The following HERC2 variants were observed in gnomAD, a reference collection of about 807,000 sequenced individuals.
HERC2 encodes E3 ubiquitin-protein ligase HERC2.
Under a neutral mutation model 537.7 loss-of-function variants are expected in HERC2, and 102 were observed. The observed-to-expected ratio is 0.19, with a 90% confidence interval of 0.16 to 0.22. The LOEUF is 0.22. Ranked by LOEUF, HERC2 falls within the 10% of genes least tolerant of loss-of-function variation. The pLI is 1.00. For synonymous variants in HERC2, 2,224 were observed against 2,466.2 expected (o/e 0.90, Z 2.91); for missense variants, 4,236 against 6,198.2 (o/e 0.68, Z 10.63).
chr15:28,188,227 A>G, intron 55 of HERC2, among the ~76,000 whole-genome samples: 1 of 152,176 alleles, frequency 6.6e-6, no homozygotes, highest in East Asian at 1.9e-4. Context: ...CTGGACACTG[A>G]CTGAATATTA....
chr15:28,163,348 C>T (rs767795701), intron 68 of HERC2, 63 bp from the exon 69 acceptor site: 1 of 1,454,760 alleles, frequency 6.9e-7, no homozygotes, highest in Non-Finnish European at 9.4e-7. Context: ...AAAGAGTCAC[C>T]AGTTTACCCA....
intron 2 of HERC2, among the ~76,000 whole-genome samples, chr15:28,303,677 A>G (rs541651604): frequency 1.6e-3 from 245 of 152,342 alleles, no homozygotes; most frequent in Non-Finnish European, 2.9e-3. Flanking sequence ...CTTCCAATCC[A>G]TGAACACGGA....
intron 67 of HERC2, among the ~76,000 whole-genome samples, chr15:28,168,127 C>A (rs1894333481): frequency 6.6e-6 from 1 of 152,160 alleles, no homozygotes; most frequent in South Asian, 2.1e-4. Flanking sequence ...TTCTTTCCCC[C>A]AAAATGTTAC....
intron 35 of HERC2, among the ~76,000 whole-genome samples, chr15:28,225,716 GAA>G (rs1901073750): frequency 7.4e-6 from 1 of 134,716 alleles, no homozygotes; most frequent in African/African-American, 2.9e-5. Context: ...AAAAAAAAAA[GAA>G]AGAAAAAAAA....
At position 28,260,831 on chromosome 15, in the gene HERC2, T is replaced by C. The variant is rs1369466540; in HGVS notation, c.2262A>G (p.Ala754=). 3 of 1,614,140 alleles carry C rather than the reference T, an allele frequency of 1.9e-6. No individual in the cohort carries two copies. Among genetic ancestry groups the C allele is most frequent in the African/African-American group, 1.3e-5 (1 of 74,956 alleles). ...TLRVTKPEPA[A]LPGLDTKHIV... ...TGTGTTTGGTGTCCAGTCCTGGCAATGCTGCAGGTTCTGGCTTGGTCACGC... is the reference window on the plus strand; with the variant it reads ...TGTGTTTGGTGTCCAGTCCTGGCAACGCTGCAGGTTCTGGCTTGGTCACGC... The change falls in exon 16 of 93, where the codon GCA becomes GCG. Residue 754 remains alanine (A), a synonymous_variant. Coordinates refer to ENST00000261609, the MANE Select transcript of HERC2 (RefSeq NM_004667.6).
At chr15:28,288,535 C>CAAAAA (rs1216166029) in intron 4 of HERC2, among the ~76,000 whole-genome samples, 2 of 82,432 alleles carry the variant, frequency 2.4e-5, no homozygotes, top group African/African-American at 9.6e-5. Flanking sequence ...AACTCCGACT[C>CAAAAA]AAAAAAAAAA....
chr15:28,187,050 C>T (rs1896375538), intron 55 of HERC2, among the ~76,000 whole-genome samples: 2 of 152,250 alleles, frequency 1.3e-5, no homozygotes, highest in South Asian at 2.1e-4. Flanking sequence ...CAAACTCTTC[C>T]GTCTTAGAGC....
At chr15:28,249,063 A>G (rs535106120) in intron 20 of HERC2, among the ~76,000 whole-genome samples, 2 of 152,382 alleles carry the variant, frequency 1.3e-5, no homozygotes, top group South Asian at 4.1e-4. Context: ...TGTTTAAGGA[A>G]TGTAAACATT....
intron 2 of HERC2, among the ~76,000 whole-genome samples, chr15:28,300,405 AAAAAT>A (rs1487309992): frequency 2.0e-5 from 3 of 150,048 alleles, no homozygotes; most frequent in East Asian, 1.9e-4. Flanking sequence ...TACTATAATG[AAAAAT>A]AAAATATTTA....
chr15:28,192,211 A>C, intron 52 of HERC2, 60 bp from the exon 53 acceptor site: 8 of 1,394,540 alleles, frequency 5.7e-6, no homozygotes, highest in Non-Finnish European at 8.0e-6. Flanking sequence ...AAACATCATG[A>C]TCAAGAATAT....
intron 48 of HERC2, among the ~76,000 whole-genome samples, chr15:28,200,038 G>A (rs79910337): frequency 0.024 from 3,697 of 152,226 alleles, 142 homozygotes; most frequent in African/African-American, 0.084. Flanking sequence ...CTCTAAGGAA[G>A]TCATTAAGGT....
chr15:28,304,702 AT>A (rs780900477), intron 2 of HERC2, among the ~76,000 whole-genome samples: 5,258 of 108,402 alleles, frequency 0.049, 77 homozygotes, highest in Middle Eastern at 0.1. Flanking sequence ...AAGGGCTTCC[AT>A]TTTTTTTTTT....
intron 59 of HERC2, 53 bp downstream of exon 59, chr15:28,178,834 C>T (rs1041833470): frequency 8.5e-5 from 133 of 1,556,762 alleles, no homozygotes; most frequent in Middle Eastern, 3.4e-4. Flanking sequence ...TGGTTAACAA[C>T]GGAGCAGGAG....
At chr15:28,207,865 A>G (rs1199289568) in intron 44 of HERC2, among the ~76,000 whole-genome samples, 1 of 151,918 alleles carries the variant, frequency 6.6e-6, no homozygotes, top group Non-Finnish European at 1.5e-5. Flanking sequence ...TTGCAGAGCA[A>G]AAGCATCCAG....
intron 47 of HERC2, among the ~76,000 whole-genome samples, chr15:28,201,785 C>T (rs2525931): frequency 2.0e-5 from 3 of 152,136 alleles, no homozygotes; most frequent in Non-Finnish European, 4.4e-5. Context: ...ATTAATCCTA[C>T]GAATAATTTA....
At chr15:28,284,746 C>G (rs1259036861) in intron 4 of HERC2, among the ~76,000 whole-genome samples, 1 of 151,730 alleles carries the variant, frequency 6.6e-6, no homozygotes, top group Non-Finnish European at 1.5e-5. Flanking sequence ...AAAACCCCAT[C>G]TCTACTAAAA....
At chr15:28,232,989 T>G (rs1466006560) in intron 30 of HERC2, among the ~76,000 whole-genome samples, 157 bp downstream of exon 30, 2 of 152,218 alleles carry the variant, frequency 1.3e-5, no homozygotes, top group African/African-American at 4.8e-5. Context: ...CAAGCGAGAT[T>G]TCTGTATTTA....
Position 28,143,931 on chromosome 15 carries a change from C to T in HERC2, c.11360G>A (p.Gly3787Glu). Reference sequence around the variant, plus strand: ...CAGCCTATTTATGTTAATTGACTGCCCAAATTCAGTTGTAAGCAGCTTCCT... The same window carrying T: ...CAGCCTATTTATGTTAATTGACTGCTCAAATTCAGTTGTAAGCAGCTTCCT... ...RLRKLLTTEF[G>E]QSININRLLG... The change falls in exon 74 of 93, where the codon GGG (glycine) becomes GAG (glutamate). Residue 3787 changes from glycine to glutamate, a missense_variant. Gly to Glu is a moderately conservative substitution (Grantham distance 98). Around this residue, in one of 27 missense-constraint regions of HERC2, gnomAD observed 109 missense variants for 133.5 expected, o/e 0.82. Transcript: ENST00000261609. 1.9e-6 allele frequency: 3 copies of T among 1,614,064 alleles called. No individual in the cohort carries two copies. Among genetic ancestry groups the T allele is most frequent in the South Asian group, 2.2e-5 (2 of 91,074 alleles).
At chr15:28,281,774 C>G (rs1034301854) in intron 4 of HERC2, among the ~76,000 whole-genome samples, 1 of 152,226 alleles carries the variant, frequency 6.6e-6, no homozygotes, top group Non-Finnish European at 1.5e-5. Context: ...AGCAGTGCCC[C>G]TGCCCTTCTC....
Sources: gnomAD v4.1 joint callset for allele counts (sites outside exome capture counted in the v4.1 genomes callset) on GRCh38, gnomAD v4.1.1 for gene constraint, gnomAD v4.1.1 regional missense constraint, MANE v1.5 for transcripts, NCBI Gene and HGNC (gene_info 2026-07-23, HGNC 2026-07-21) for gene names.